RANBP17: variants seen among roughly 807,000 people sequenced by gnomAD.
RANBP17 encodes ran-binding protein 17.
RANBP17 carries 158 observed loss-of-function variants against 141.2 expected under a neutral mutation model. The observed-to-expected ratio is 1.12, with a 90% CI of 0.98 to 1.28. RANBP17 has a LOEUF of 1.28. Among genes scored for constraint, RANBP17 ranks in the 50% most tolerant of loss-of-function variants. The pLI is 0.00. For synonymous variants in RANBP17, 430 were observed against 450.0 expected (o/e 0.96, Z 0.56); for missense variants, 1,438 against 1,290.7 (o/e 1.11, Z -1.75).
At chr5:171,256,951 G>A (rs1353216549) in intron 24 of RANBP17, among the ~76,000 whole-genome samples, 2 of 150,616 alleles carry the variant, frequency 1.3e-5, no homozygotes, top group African/African-American at 4.9e-5. Flanking sequence ...CTCAAGACCA[G>A]ATGGATTCAA....
chr5:171,234,062 A>G (rs1391300960), intron 22 of RANBP17, among the ~76,000 whole-genome samples: 6 of 152,056 alleles, frequency 3.9e-5, no homozygotes, highest in African/African-American at 1.4e-4. Context: ...TAAAAAAAAA[A>G]AAAAAATACA....
At chr5:171,046,625 A>T (rs1339639835) in intron 14 of RANBP17, among the ~76,000 whole-genome samples, 1 of 152,150 alleles carries the variant, frequency 6.6e-6, no homozygotes, top group African/African-American at 2.4e-5. Flanking sequence ...GCTACAGTAA[A>T]CATGCTTATA....
intron 14 of RANBP17, among the ~76,000 whole-genome samples, chr5:171,037,622 T>C (rs12520071): frequency 0.11 from 16,755 of 152,026 alleles, 1,217 homozygotes; most frequent in Non-Finnish European, 0.16. Context: ...GTATATGGTA[T>C]ATACAGCTAC....
intron 12 of RANBP17, among the ~76,000 whole-genome samples, chr5:170,932,812 A>T (rs981653413): frequency 3.3e-5 from 5 of 152,152 alleles, no homozygotes; most frequent in Non-Finnish European, 7.3e-5. Flanking sequence ...TTGGTTTGCC[A>T]GTATTTTATT....
chr5:171,011,513 A>G (rs539670970), intron 14 of RANBP17, among the ~76,000 whole-genome samples: 1 of 152,110 alleles, frequency 6.6e-6, no homozygotes, highest in Non-Finnish European at 1.5e-5. Flanking sequence ...GAAACTTTCA[A>G]ACCCACAGAA....
At chr5:171,255,562 G>A (rs1765829294) in intron 24 of RANBP17, among the ~76,000 whole-genome samples, 1 of 152,134 alleles carries the variant, frequency 6.6e-6, no homozygotes, top group South Asian at 2.1e-4. Flanking sequence ...GATTTGTAAG[G>A]GGAGGGACTG....
intron 21 of RANBP17, among the ~76,000 whole-genome samples, chr5:171,219,038 C>G (rs1227168268): frequency 6.6e-6 from 1 of 151,890 alleles, no homozygotes; most frequent in African/African-American, 2.4e-5. Context: ...CTGGTTTTTC[C>G]TTTCCATATT....
chr5:171,143,027 A>G (rs1266957823), intron 14 of RANBP17, among the ~76,000 whole-genome samples: 1 of 152,226 alleles, frequency 6.6e-6, no homozygotes, highest in Non-Finnish European at 1.5e-5. Flanking sequence ...CCATTGCAGT[A>G]TTTTGTACCT....
chr5:171,092,253 T>C (rs1786349764), intron 14 of RANBP17, among the ~76,000 whole-genome samples: 1 of 152,192 alleles, frequency 6.6e-6, no homozygotes, highest in Non-Finnish European at 1.5e-5. Context: ...TGGTTACCAT[T>C]TGGCATTTAG....
intron 5 of RANBP17, chr5:170,896,944 G>C: frequency 1.3e-6 from 1 of 773,100 alleles, no homozygotes; most frequent in Non-Finnish European, 2.2e-6. Flanking sequence ...CCAGTTGGTG[G>C]TCATACTGGT....
In RANBP17 at chr5:171,265,684, C is replaced by G. The variant is rs762460411; in HGVS notation, c.2780C>G (p.Thr927Arg). The G allele has an allele frequency of 6.2e-7, 1 of 1,610,848 alleles. No homozygotes were observed. Among genetic ancestry groups the G allele is most frequent in the Non-Finnish European group, 8.5e-7 (1 of 1,179,022 alleles). ...TTCTTATTTACTATTTGTACAGATA[C>G]AGTTGTCTCCTCCAGCTGCTGTACC... ...SISEGLTTLDTVVSSSCCTSL... is the reference protein window; with the variant it reads ...SISEGLTTLDRVVSSSCCTSL... Residue 927 changes from threonine (T) to arginine (R), a missense_variant, in exon 25 of 28, where the codon ACA becomes AGA. Thr to Arg is a moderately conservative substitution (Grantham distance 71). Transcript: ENST00000523189.
In RANBP17 at chr5:170,976,269, A is replaced by G. The variant is rs192460869; in HGVS notation, c.1710+7892A>G. ...ATAGAATCAGAAAGAATTAAATAGG[A>G]ATAAATTTAACAAAAGTGTAAAACT... On this transcript the variant is annotated intron_variant, in intron 14 of 27. Coordinates refer to ENST00000523189, the MANE Select transcript of RANBP17 (RefSeq NM_022897.5). 1.1e-4 allele frequency among the ~76,000 whole-genome samples: 17 copies of G among 152,278 alleles called. 1 individual carries two copies. In the East Asian group the frequency reaches 3.3e-3, roughly 29 times the overall value.
At chr5:170,975,315 G>A (rs1167298934) in intron 14 of RANBP17, among the ~76,000 whole-genome samples, 1 of 152,114 alleles carries the variant, frequency 6.6e-6, no homozygotes, top group African/African-American at 2.4e-5. Context: ...GATCACCTGA[G>A]GTCAGGAGTT....
rs972159278 is a variant in RANBP17 at position 171,141,322 on chromosome 5, C to T, written c.1711-28808C>T. Among the ~76,000 whole-genome samples, 11 of 151,622 alleles carry T rather than the reference C, an allele frequency of 7.3e-5. 1 individual carries two copies. The highest frequency in any genetic ancestry group is 1.9e-4 in the African/African-American group (8 of 41,318). On this transcript the variant is annotated intron_variant, in intron 14 of 27. Transcript: ENST00000523189. ...GTTAAAAATGTAAAGATAGGCTGGG[C>T]GCAGTGCCTCACACCTGTAATCCCA...
In RANBP17 at chr5:171,252,980, G is replaced by A. The variant is rs1049442059; in HGVS notation, c.2776+10160G>A. ...GGTTACATCCTTTTCTATCAGTCTC[G>A]GGATTGAGGGGGAACCGTGATGAAG... On this transcript the variant is annotated intron_variant, in intron 24 of 27. Coordinates refer to ENST00000523189, the MANE Select transcript of RANBP17 (RefSeq NM_022897.5). 5.4e-5 allele frequency: 73 copies of A among 1,346,730 alleles called. No homozygotes were observed. In the Admixed American group the frequency reaches 7.4e-4, roughly 14 times the overall value. The allele number at this position is 1,346,730 out of a possible 1,614,324, so 83.4% of individuals were successfully genotyped here.
chr5:171,296,353 T>C (rs1396698055), intron 27 of RANBP17, among the ~76,000 whole-genome samples: 1 of 152,128 alleles, frequency 6.6e-6, no homozygotes, highest in Non-Finnish European at 1.5e-5. Flanking sequence ...AAGAAAGACT[T>C]CTTGGCATTT....
chr5:170,897,517 A>G (rs961456750), intron 5 of RANBP17, among the ~76,000 whole-genome samples: 4 of 152,070 alleles, frequency 2.6e-5, no homozygotes, highest in Non-Finnish European at 5.9e-5. Context: ...TCAACCAGCC[A>G]TCTATCTACA....
intron 13 of RANBP17, among the ~76,000 whole-genome samples, chr5:170,956,161 A>G (rs1419246060): frequency 6.6e-6 from 1 of 151,830 alleles, no homozygotes; most frequent in African/African-American, 2.4e-5. Flanking sequence ...TTGAAGTGGC[A>G]CTTATATCTT....
At chr5:171,020,393 TG>T (rs35519673) in intron 14 of RANBP17, among the ~76,000 whole-genome samples, 1 of 152,194 alleles carries the variant, frequency 6.6e-6, no homozygotes, top group African/African-American at 2.4e-5. Flanking sequence ...TATTATTGTG[TG>T]GGAGTCTAAG....
Sources: gnomAD v4.1 joint callset for allele counts (sites outside exome capture counted in the v4.1 genomes callset) on GRCh38, gnomAD v4.1.1 for gene constraint, MANE v1.5 for transcripts, NCBI Gene and HGNC (gene_info 2026-07-23, HGNC 2026-07-21) for gene names.